The following CHUK variants were observed in gnomAD, a reference collection of about 807,000 sequenced individuals.
CHUK encodes the protein component of inhibitor of nuclear factor kappa B kinase complex.
CHUK carries 35 observed loss-of-function variants against 104.8 expected under a neutral mutation model. The ratio of observed to expected loss-of-function variants is 0.33; its 90% CI spans 0.26 to 0.44. The LOEUF (loss-of-function observed/expected upper bound fraction) is 0.44, where lower values mean the gene tolerates loss of function less well. CHUK is among the 20% of genes least tolerant of loss of function. The pLI, the probability that CHUK is intolerant of heterozygous loss-of-function variation, is 1.00. For synonymous variants in CHUK, 276 were observed against 291.9 expected, an observed-to-expected ratio of 0.95 and a Z score of 0.56; for missense variants, 663 against 902.7, an observed-to-expected ratio of 0.73 and a Z score of 3.40.
chr10:100,186,584 C>T (rs1306567682), downstream of CHUK: 1 of 152,270 alleles, frequency 6.6e-6, no homozygotes, highest in Non-Finnish European at 1.5e-5. Context: ...AATTGCTAAG[C>T]ACATGGGGCG....
intron 9 of CHUK, among the ~76,000 whole-genome samples, chr10:100,210,099 T>TTA (rs1564836603): frequency 5.3e-5 from 7 of 132,742 alleles, no homozygotes; most frequent in African/African-American, 2.1e-4. Flanking sequence ...TTATTTTTTT[T>TTA]TTTTTTGAGA....
intron 1 of CHUK, among the ~76,000 whole-genome samples, chr10:100,228,428 T>C (rs758038118): frequency 2.1e-4 from 32 of 152,222 alleles, no homozygotes; most frequent in Non-Finnish European, 3.8e-4. Context: ...CTGAGACAGG[T>C]GGATCGCCTG....
chr10:100,209,701 A>G lies in CHUK; in HGVS notation c.1022T>C (p.Ile341Thr). 4 of 1,571,856 alleles carry G rather than the reference A, an allele frequency of 2.5e-6. No individual in the cohort carries two copies. Among genetic ancestry groups the G allele is most frequent in the South Asian group, 1.1e-5 (1 of 90,232 alleles). Residue 341 changes from isoleucine (I) to threonine (T), a missense_variant, in exon 10 of 21, where the codon ATT becomes ACT. Ile to Thr is a moderately conservative substitution (Grantham distance 89, BLOSUM62 -1). This residue lies in a region of CHUK where 93 missense variants were observed against 95.9 expected (regional missense o/e 0.97). Transcript: ENST00000370397. ...AGTATTTATTCCAGTTTCACGCTCA[A>G]TACGAGACTGTAGTGAATGAAGACT... The part of the protein sequence containing the change: ...DESLHSLQSR[I>T]ERETGINTGS...
At chr10:100,197,172 T>G (rs1845352197) in intron 16 of CHUK, among the ~76,000 whole-genome samples, 4 of 152,246 alleles carry the variant, frequency 2.6e-5, no homozygotes, top group South Asian at 2.1e-4. Flanking sequence ...TACTGAATAC[T>G]GTAGGCAACT....
Position 100,190,582 on chromosome 10 carries a change from C to T in CHUK, c.2208+287G>A, listed in dbSNP as rs1042543160. On this transcript the variant is annotated intron_variant, in intron 20 of 20. Transcript: ENST00000370397. The stretch of plus-strand genomic sequence containing the variant: ...AATTGATTGCTGAAGCAAAAAGGTA[C>T]AGAACAAACCATTCAATTTCAATGG... The T allele has an allele frequency of 4.9e-5, 21 of 426,780 alleles. No homozygotes were observed. In the Admixed American group the frequency reaches 5.8e-4, roughly 12 times the overall value. 26.4% of individuals were successfully genotyped at this position (426,780 alleles called of 1,614,324 possible).
chr10:100,201,763 G>C (rs1845468239), intron 14 of CHUK, among the ~76,000 whole-genome samples: 1 of 152,162 alleles, frequency 6.6e-6, no homozygotes, highest in East Asian at 1.9e-4. Flanking sequence ...TAAGATGGGA[G>C]GACTGCTTGA....
Position 100,194,050 on chromosome 10 carries a change from G to A in CHUK, c.1908C>T (p.Asp636=). The change falls in exon 18 of 21, where the codon GAC becomes GAT. Residue 636 remains aspartate (D), a synonymous_variant. Coordinates refer to ENST00000370397, the MANE Select transcript of CHUK (RefSeq NM_001278.5). ...EVALSNIKEA[D]NTVMFMQGKR... ...TTCCCTGCATGAACATGACAGTATT[G>A]TCAGCTTCTTTGATATTACTGAGGG... 1 of 1,613,358 alleles carries A rather than the reference G, an allele frequency of 6.2e-7. No individual in the cohort carries two copies. The highest frequency in any genetic ancestry group is 1.7e-5 in the Admixed American group (1 of 59,990).
intron 14 of CHUK, 28 bp from the exon 15 acceptor site, chr10:100,200,808 A>C: frequency 8.1e-7 from 1 of 1,242,012 alleles, no homozygotes; most frequent in Non-Finnish European, 1.2e-6. Context: ...TACAAAGGAA[A>C]TGAAAGGCTT....
intron 11 of CHUK, among the ~76,000 whole-genome samples, chr10:100,206,299 GA>G (rs1845589957): frequency 6.6e-6 from 1 of 150,896 alleles, no homozygotes; most frequent in African/African-American, 2.4e-5. Flanking sequence ...ATTTTTTTGA[GA>G]AAGGTCTCAC....
At chr10:100,205,761 C>G (rs1283583580) in intron 11 of CHUK, among the ~76,000 whole-genome samples, 1 of 152,130 alleles carries the variant, frequency 6.6e-6, no homozygotes, top group Non-Finnish European at 1.5e-5. Context: ...AACCCTGTCT[C>G]TACTAAAAAT....
intron 1 of CHUK, 146 bp downstream of exon 1, chr10:100,229,282 A>T (rs1022705025): frequency 4.3e-6 from 3 of 696,986 alleles, no homozygotes; most frequent in African/African-American, 3.5e-5. Flanking sequence ...TTTCTCTCTA[A>T]TACACACACA....
chr10:100,209,163 G>A (rs1845662347), intron 10 of CHUK, among the ~76,000 whole-genome samples: 1 of 152,218 alleles, frequency 6.6e-6, no homozygotes, highest in Admixed American at 6.5e-5. Flanking sequence ...TTAGATGAAT[G>A]CAAACTTACA....
intron 1 of CHUK, among the ~76,000 whole-genome samples, chr10:100,228,842 C>G (rs1846162711): frequency 6.6e-6 from 1 of 152,122 alleles, no homozygotes; most frequent in African/African-American, 2.4e-5. Flanking sequence ...TGCACCAACT[C>G]ACCCTCATAC....
chr10:100,186,360 C>A, downstream of CHUK: 1 of 261,232 alleles, frequency 3.8e-6, no homozygotes. Context: ...GCAGTGTATG[C>A]GGAGCCCCAC....
rs1474436232 is a variant in CHUK at position 100,209,906 on chromosome 10, T to C, written c.934-117A>G. ...GCATTATTTCTACATTAAACAAGGCTCACTCATTCTCCAAAGTGAGATCTC... is the reference window on the plus strand; with the variant it reads ...GCATTATTTCTACATTAAACAAGGCCCACTCATTCTCCAAAGTGAGATCTC... On this transcript the variant is annotated intron_variant, in intron 9 of 20. Coordinates refer to ENST00000370397, the MANE Select transcript of CHUK (RefSeq NM_001278.5). 7 of 591,092 alleles carry C rather than the reference T, an allele frequency of 1.2e-5. No individual in the cohort carries two copies. The South Asian group carries it at 1.5e-4, about 12-fold the overall frequency. The allele number at this position is 591,092 out of a possible 1,614,324, so 36.6% of individuals were successfully genotyped here.
intron 20 of CHUK, 73 bp downstream of exon 20, chr10:100,190,796 G>A: frequency 1.2e-6 from 1 of 857,358 alleles, no homozygotes; most frequent in Non-Finnish European, 2.0e-6. Flanking sequence ...TGCCAGATAA[G>A]GCTAGCATGG....
intron 11 of CHUK, among the ~76,000 whole-genome samples, chr10:100,206,734 A>G (rs976761623): frequency 7.9e-5 from 12 of 152,240 alleles, no homozygotes; most frequent in African/African-American, 1.9e-4. Context: ...GTAAGATTAC[A>G]TACATTTTAG....
Position 100,200,681 on chromosome 10 carries a change from T to C in CHUK, c.1669A>G (p.Met557Val). 1 of 1,501,992 alleles carries C rather than the reference T, an allele frequency of 6.7e-7. No individual in the cohort carries two copies. The highest frequency in any genetic ancestry group is 9.3e-7 in the Non-Finnish European group (1 of 1,078,428). 93.0% of individuals were successfully genotyped at this position (1,501,992 alleles called of 1,614,324 possible). ...CAAGTGCATCCTTACAGAGATTCCA[T>C]CAAGTCTCCCTGACGTCTTCCATAG... ...SPYGRRQGDL[M>V]ESLEQRAIDL... The change falls in exon 15 of 21, where the codon ATG becomes GTG. Residue 557 changes from methionine (M) to valine (V), a missense_variant. Transcript: ENST00000370397.
chr10:100,204,050 C>A (rs1043260515), intron 13 of CHUK, among the ~76,000 whole-genome samples: 2 of 152,146 alleles, frequency 1.3e-5, no homozygotes, highest in African/African-American at 2.4e-5. Context: ...TCATTCAGGT[C>A]TCTTTTGTAA....
Sources: gnomAD v4.1 joint callset for allele counts (sites outside exome capture counted in the v4.1 genomes callset) on GRCh38, gnomAD v4.1.1 for gene constraint, gnomAD v4.1.1 regional missense constraint, MANE v1.5 for transcripts, NCBI Gene and HGNC (gene_info 2026-07-23, HGNC 2026-07-21) for gene names.